The following SMG1 variants were observed in gnomAD, a reference collection of about 807,000 sequenced individuals.
SMG1 encodes serine/threonine-protein kinase SMG1.
SMG1 carries 22 observed loss-of-function variants against 419.9 expected under a neutral mutation model. The observed-to-expected ratio is 0.05, with a 90% CI of 0.04 to 0.07. The LOEUF (loss-of-function observed/expected upper bound fraction) is 0.07. Ranked by LOEUF, SMG1 falls within the 10% of genes least tolerant of loss-of-function variation. The pLI, the probability that SMG1 is intolerant of heterozygous loss-of-function variation, is 1.00. For synonymous variants in SMG1, 1,538 were observed against 1,553.5 expected (o/e 0.99, Z 0.23); for missense variants, 3,185 against 4,342.0 (o/e 0.73, Z 7.49).
At position 18,889,431 on chromosome 16, in the gene SMG1, C is replaced by T. The variant is rs1244894620; in HGVS notation, c.763G>A (p.Ala255Thr). 7 of 595,404 alleles carry T rather than the reference C, an allele frequency of 1.2e-5. No homozygotes were observed. Among genetic ancestry groups the T allele is most frequent in the South Asian group, 4.0e-5 (2 of 49,928 alleles). The allele number at this position is 595,404 out of a possible 1,614,324, so 36.9% of individuals were successfully genotyped here. A position where few individuals can be genotyped will look rare whatever the true frequency, so the allele number is the denominator to read the frequency against. The change falls in exon 6 of 63, where the codon GCC becomes ACC. Residue 255 changes from alanine (A) to threonine (T), a missense_variant. This residue lies in a region of SMG1 where 53 missense variants were observed against 56.3 expected (regional missense o/e 0.94). Transcript: ENST00000446231. ...ACAGTCTCTAGTGCTTTGTAGGTGG[C>T]ACATAAGTAGAGGAGTTTAACTTCA... ...KDEVKLLYLC[A>T]TYKALETVGE...
At position 18,812,142 on chromosome 16, in the gene SMG1, T is replaced by C. The variant is rs771013687; in HGVS notation, c.10622-15A>G. ...ACTCCGGACTGCTACAGAGAAAGAGTTGGTGGCTCAATTTACATGTAAACA... is the reference window on the plus strand; with the variant it reads ...ACTCCGGACTGCTACAGAGAAAGAGCTGGTGGCTCAATTTACATGTAAACA... On this transcript the variant is annotated splice_polypyrimidine_tract_variant and intron_variant, in intron 60 of 62. Transcript: ENST00000446231. 1.7e-5 allele frequency: 27 copies of C among 1,604,716 alleles called. No individual in the cohort carries two copies. The highest frequency in any genetic ancestry group is 1.2e-4 in the South Asian group (11 of 89,420).
rs762614818 is a variant in SMG1, at chr16:18,828,019, G to C, written c.9741+12C>G. 1.9e-5 allele frequency: 31 copies of C among 1,607,854 alleles called. No individual in the cohort carries two copies. The highest frequency in any genetic ancestry group is 2.6e-5 in the Non-Finnish European group (31 of 1,176,666). On this transcript the variant is annotated intron_variant, in intron 55 of 62. Transcript: ENST00000446231. The stretch of plus-strand genomic sequence containing the variant: ...AGAAAATGCCCTGGAAGGAAGATCT[G>C]GCAAAACACACCTGAACTGTTGCAA...
intron 10 of SMG1, among the ~76,000 whole-genome samples, chr16:18,880,061 G>A (rs1425741875): frequency 6.6e-6 from 1 of 152,172 alleles, no homozygotes; most frequent in Non-Finnish European, 1.5e-5. Flanking sequence ...TAATGGTATT[G>A]ACAGCATGGG....
intron 51 of SMG1, among the ~76,000 whole-genome samples, chr16:18,832,065 G>A (rs2033222062): frequency 6.6e-6 from 1 of 152,126 alleles, no homozygotes; most frequent in Non-Finnish European, 1.5e-5. Context: ...GACTAGCCCA[G>A]TGCAGATAAT....
In SMG1 at chr16:18,926,173, G is replaced by GGAT. The variant is rs1239730979; in HGVS notation, c.-133_-132insATC. On this transcript the variant is annotated 5_prime_UTR_variant, in exon 1 of 63. Transcript: ENST00000446231. ...AAGCCGAGAAGGAGGAGGAGGAGGA[G>GGAT]GAGGAGGAGAAGGAGGAGGCGGCGG... 1.3e-6 allele frequency: 1 copy of GGAT among 762,156 alleles called. No individual in the cohort carries two copies. The highest frequency in any genetic ancestry group is 1.9e-5 in the African/African-American group (1 of 53,488). The allele number at this position is 762,156 out of a possible 1,614,324, so 47.2% of individuals were successfully genotyped here.
Position 18,859,202 on chromosome 16 carries a change from C to T in SMG1, c.3954-21G>A, listed in dbSNP as rs558894345. Reference sequence around the variant, plus strand: ...CATTTCTGAAACAAAATATTTACTGCCAATTAATAAAAATTACAATTCATA... The same window carrying T: ...CATTTCTGAAACAAAATATTTACTGTCAATTAATAAAAATTACAATTCATA... On this transcript the variant is annotated intron_variant, in intron 27 of 62. Coordinates refer to ENST00000446231, the MANE Select transcript of SMG1 (RefSeq NM_015092.5). 63 of 1,523,676 alleles carry T rather than the reference C, an allele frequency of 4.1e-5. No individual in the cohort carries two copies. In the East Asian group the frequency reaches 1.2e-3, roughly 29 times the overall value. 94.4% of individuals were successfully genotyped at this position (1,523,676 alleles called of 1,614,324 possible).
At chr16:18,879,421 C>G (rs1231183706) in intron 11 of SMG1, 74 bp downstream of exon 11, 307 of 1,291,358 alleles carry the variant, frequency 2.4e-4, no homozygotes, top group Non-Finnish European at 3.2e-4. Flanking sequence ...AGACAAAGCC[C>G]TTAATTTCTT....
chr16:18,848,250 G>A (rs1203511283), intron 36 of SMG1, among the ~76,000 whole-genome samples: 4 of 151,908 alleles, frequency 2.6e-5, no homozygotes, highest in African/African-American at 7.3e-5. Context: ...AAGATACAAA[G>A]GAGAAAGATA....
At chr16:18,817,158 TC>T in intron 57 of SMG1, 132 bp downstream of exon 57, 2 of 565,124 alleles carry the variant, frequency 3.5e-6, no homozygotes, top group Non-Finnish European at 2.7e-6. Context: ...ATCATCACTG[TC>T]CCCCCGCCCC....
rs550138287 is a variant in SMG1, at chr16:18,855,178, C to A, written c.4235-274G>T. Among the ~76,000 whole-genome samples the A allele has an allele frequency of 2.6e-5, 4 of 152,210 alleles. No individual in the cohort carries two copies. In the East Asian group the frequency reaches 7.7e-4, roughly 29 times the overall value. ...ATCTTTGGCAAAAAGCCTGGGCCAA[C>A]GGGTAGGGAAAGCAAGGAAGCAGGG... On this transcript the variant is annotated intron_variant, in intron 29 of 62. Transcript: ENST00000446231.
chr16:18,840,431 AG>A (rs960868594), intron 41 of SMG1, among the ~76,000 whole-genome samples: 5 of 152,194 alleles, frequency 3.3e-5, no homozygotes, highest in Admixed American at 1.3e-4. Context: ...TCCTGTGCCT[AG>A]GTTTAAAACT....
rs1361562651 is a variant in SMG1 at position 18,806,230 on chromosome 16, AC to A, written c.*3338del. ...AAAAACAAAAAACAATGCAGATAAC[AC>A]CAAACATTGGACAATATTAAGAAAA... On this transcript the variant is annotated 3_prime_UTR_variant, in exon 63 of 63. Coordinates refer to ENST00000446231, the MANE Select transcript of SMG1 (RefSeq NM_015092.5). 2.0e-5 allele frequency: 3 copies of A among 152,616 alleles called. No homozygotes were observed. The highest frequency in any genetic ancestry group is 4.4e-5 in the Non-Finnish European group (3 of 68,026). The allele number at this position is 152,616 out of a possible 1,614,324, so 9.5% of individuals were successfully genotyped here. A position where few individuals can be genotyped will look rare whatever the true frequency, so the allele number is the denominator to read the frequency against.
intron 26 of SMG1, among the ~76,000 whole-genome samples, chr16:18,860,241 C>G (rs943276175): frequency 1.8e-4 from 28 of 152,024 alleles, no homozygotes; most frequent in African/African-American, 6.8e-4. Flanking sequence ...ATCGGTAAGT[C>G]AATCTACTAT....
At chr16:18,820,077 T>C (rs763468407) in intron 55 of SMG1, among the ~76,000 whole-genome samples, 51 of 152,174 alleles carry the variant, frequency 3.4e-4, no homozygotes, top group Admixed American at 1.0e-3. Context: ...GCGATTCTCC[T>C]GCCTCAGCCT....
At chr16:18,814,838 A>G (rs556001222) in intron 60 of SMG1, among the ~76,000 whole-genome samples, 1 of 148,886 alleles carries the variant, frequency 6.7e-6, no homozygotes, top group African/African-American at 2.5e-5. Flanking sequence ...TCAGCCTCCC[A>G]AAGTGCTGGG....
At chr16:18,811,354 G>T (rs187356582) in intron 62 of SMG1, among the ~76,000 whole-genome samples, 74 of 152,268 alleles carry the variant, frequency 4.9e-4, no homozygotes, top group African/African-American at 1.7e-3. Context: ...TTCACTTATG[G>T]CATCATGTCA....
intron 29 of SMG1, 91 bp downstream of exon 29, chr16:18,858,079 C>A: frequency 2.8e-6 from 3 of 1,057,854 alleles, no homozygotes; most frequent in East Asian, 2.7e-5. Context: ...TCAAACCATA[C>A]ACTTAGAATG....
chr16:18,815,196 A>G lies in SMG1; in HGVS notation c.10600T>C (p.Tyr3534His). Residue 3534 changes from tyrosine (Y) to histidine (H), a missense_variant, in exon 60 of 63, where the codon TAT becomes CAT. This residue lies in a region of SMG1 where 737 missense variants were observed against 846.6 expected (regional missense o/e 0.87). Coordinates refer to ENST00000446231, the MANE Select transcript of SMG1 (RefSeq NM_015092.5). ...CTACCTGCAGCGAAGGATGGCTGAT[A>G]AGTAGCAGATGACGTTGGACTCGAA... ...ECSSPTSSAT[Y>H]QPSFAAAVRS... 2 of 1,593,082 alleles carry G rather than the reference A, an allele frequency of 1.3e-6. No homozygotes were observed. Among genetic ancestry groups the G allele is most frequent in the South Asian group, 1.1e-5 (1 of 87,418 alleles).
chr16:18,858,710 A>C (rs2035050606), intron 28 of SMG1: 2 of 245,844 alleles, frequency 8.1e-6, no homozygotes, highest in Middle Eastern at 1.3e-3. Context: ...AAGAGGAGAG[A>C]TCTTTGTTTG....
Sources: gnomAD v4.1 joint callset for allele counts (sites outside exome capture counted in the v4.1 genomes callset) on GRCh38, gnomAD v4.1.1 for gene constraint, gnomAD v4.1.1 regional missense constraint, MANE v1.5 for transcripts, NCBI Gene and HGNC (gene_info 2026-07-23, HGNC 2026-07-21) for gene names.